ARHGEF4: variants seen among roughly 807,000 people sequenced by gnomAD.
ARHGEF4 encodes the protein APC-stimulated guanine nucleotide exchange factor 1.
A neutral mutation model predicts 162.0 loss-of-function variants in ARHGEF4; 119 were observed. The ratio of observed to expected loss-of-function variants is 0.73; its 90% CI spans 0.63 to 0.86. The LOEUF (loss-of-function observed/expected upper bound fraction) is 0.86, where lower values mean the gene tolerates loss of function less well. ARHGEF4 is among the 40% of genes least tolerant of loss of function. The pLI, the probability that ARHGEF4 is intolerant of heterozygous loss-of-function variation, is 0.00. For missense variants in ARHGEF4, 2,488 were observed against 2,456.0 expected (o/e 1.01, Z -0.28); for synonymous variants, 1,014 against 979.9 (o/e 1.03, Z -0.65).
chr2:131,015,984 G>A (rs531990502), intron 4 of ARHGEF4, among the ~76,000 whole-genome samples: 42 of 152,166 alleles, frequency 2.8e-4, no homozygotes, highest in African/African-American at 8.9e-4. Context: ...CGTTTTGCCC[G>A]GGCAGGGACC....
intron 3 of ARHGEF4, among the ~76,000 whole-genome samples, chr2:130,943,313 C>CT (rs1172568998): frequency 1.3e-5 from 2 of 152,058 alleles, no homozygotes; most frequent in Non-Finnish European, 2.9e-5. Flanking sequence ...GTTTTTCACC[C>CT]TTTTACTTTC....
intron 1 of ARHGEF4, among the ~76,000 whole-genome samples, chr2:130,888,050 A>T (rs759836163): frequency 6.6e-6 from 1 of 151,930 alleles, no homozygotes; most frequent in Non-Finnish European, 1.5e-5. Flanking sequence ...TTAAAAACCT[A>T]TTGGCTTTGT....
chr2:131,040,086 G>C lies in ARHGEF4; in HGVS notation c.4376G>C (p.Gly1459Ala), dbSNP rs78947410. Residue 1459 changes from glycine (G) to alanine (A), a missense_variant, in exon 7 of 14, where the codon GGC (glycine) becomes GCC (alanine). Physicochemically the swap from Gly to Ala is moderately conservative, Grantham distance 60. Coordinates refer to ENST00000409359, the MANE Select transcript of ARHGEF4 (RefSeq NM_001367493.1). Reference sequence around the variant, plus strand: ...GCCGGGAACAGCGGAGCGGAGGACGGCGGGGCGGAGGCGCAGAGCAGCAAG... The same window carrying C: ...GCCGGGAACAGCGGAGCGGAGGACGCCGGGGCGGAGGCGCAGAGCAGCAAG... ...PLAGNSGAED[G>A]GAEAQSSKDQ... 6.2e-7 allele frequency: 1 copy of C among 1,606,834 alleles called. No individual in the cohort carries two copies. The highest frequency in any genetic ancestry group is 8.5e-7 in the Non-Finnish European group (1 of 1,176,754).
At chr2:130,948,277 A>G (rs1683743429) in intron 4 of ARHGEF4, among the ~76,000 whole-genome samples, 1 of 152,244 alleles carries the variant, frequency 6.6e-6, no homozygotes, top group Non-Finnish European at 1.5e-5. Flanking sequence ...GTCCATCAGC[A>G]GATGGATGTA....
chr2:131,045,427 G>A lies in ARHGEF4; in HGVS notation c.5460G>A (p.Gln1820=). 1 of 1,613,620 alleles carries A rather than the reference G, an allele frequency of 6.2e-7. No individual in the cohort carries two copies. The highest frequency in any genetic ancestry group is 8.5e-7 in the Non-Finnish European group (1 of 1,180,010). ...KQAMLNASKQ[Q]VTGKPKAVGR... The stretch of plus-strand genomic sequence containing the variant: ...CCATGCTGAATGCCAGCAAGCAGCA[G>A]GTCACAGGGAAGCCCAAAGGTAGGC... The change falls in exon 13 of 14, where the codon CAG becomes CAA. Residue 1820 remains glutamine, a synonymous_variant. Transcript: ENST00000409359.
At chr2:131,004,559 C>G (rs1162429156) in intron 4 of ARHGEF4, among the ~76,000 whole-genome samples, 4 of 152,140 alleles carry the variant, frequency 2.6e-5, no homozygotes, top group Non-Finnish European at 2.9e-5. Flanking sequence ...GAATGGGTGG[C>G]CAAGCCCACT....
intron 4 of ARHGEF4, among the ~76,000 whole-genome samples, chr2:130,955,623 T>TCC (rs2105173911): frequency 6.6e-6 from 1 of 152,270 alleles, no homozygotes; most frequent in East Asian, 1.9e-4. Flanking sequence ...ACTGTTAAGC[T>TCC]CCACTCATTG....
chr2:131,009,096 A>G (rs1432088236), intron 4 of ARHGEF4, among the ~76,000 whole-genome samples: 2 of 152,226 alleles, frequency 1.3e-5, no homozygotes, highest in African/African-American at 4.8e-5. Context: ...TTGCTGGTCA[A>G]TGATTCTCTT....
chr2:130,916,770 A>C lies in ARHGEF4; in HGVS notation c.2824A>C (p.Lys942Gln). The change falls in exon 2 of 14, where the codon AAG becomes CAG. Residue 942 changes from lysine (K) to glutamine (Q), a missense_variant. Transcript: ENST00000409359. ...TTCCCCAAGTTCTCCCAAGGGCGAG[A>C]AGGAGAAGAGCAGGCTGCGCCAGGG... is the stretch of plus-strand genomic sequence containing the variant. ...ERSPSSPKGE[K>Q]EKSRLRQGSW... 1 of 1,550,634 alleles carries C rather than the reference A, an allele frequency of 6.4e-7. No individual in the cohort carries two copies. Among genetic ancestry groups the C allele is most frequent in the East Asian group, 2.4e-5 (1 of 40,892 alleles).
At chr2:130,963,181 C>T (rs558078747) in intron 4 of ARHGEF4, among the ~76,000 whole-genome samples, 19 of 152,352 alleles carry the variant, frequency 1.2e-4, no homozygotes, top group African/African-American at 4.1e-4. Context: ...CTCTTCCACA[C>T]GCTTTCTAAA....
At chr2:130,980,213 A>G (rs1331626292) in intron 4 of ARHGEF4, among the ~76,000 whole-genome samples, 1 of 152,152 alleles carries the variant, frequency 6.6e-6, no homozygotes, top group Non-Finnish European at 1.5e-5. Context: ...CTTGGCCAAC[A>G]TGGTGAAACC....
intron 5 of ARHGEF4, among the ~76,000 whole-genome samples, chr2:131,030,194 C>G (rs1445358040): frequency 1.3e-5 from 2 of 152,152 alleles, no homozygotes; most frequent in Non-Finnish European, 2.9e-5. Context: ...TGTCTCCTAC[C>G]TGAGGATAAA....
chr2:130,994,747 C>G (rs1025177134), intron 4 of ARHGEF4, among the ~76,000 whole-genome samples: 2 of 152,188 alleles, frequency 1.3e-5, no homozygotes, highest in African/African-American at 4.8e-5. Flanking sequence ...TGTTTTCCTT[C>G]TGGAGATGGA....
intron 2 of ARHGEF4, among the ~76,000 whole-genome samples, chr2:130,920,058 G>C (rs1224037364): frequency 6.6e-6 from 1 of 152,112 alleles, no homozygotes; most frequent in African/African-American, 2.4e-5. Flanking sequence ...CACCTGGACA[G>C]CCTGCTTGGT....
At chr2:131,045,847 A>C in intron 13 of ARHGEF4, 191 bp from the exon 14 acceptor site, 3 of 1,462,858 alleles carry the variant, frequency 2.1e-6, no homozygotes, top group South Asian at 2.9e-5. Flanking sequence ...GGCCAGGCCC[A>C]GGCCAGAGAC....
chr2:130,856,844 G>T (rs1005294320), intron 1 of ARHGEF4, among the ~76,000 whole-genome samples: 1 of 152,176 alleles, frequency 6.6e-6, no homozygotes, highest in Admixed American at 6.5e-5. Context: ...TAAAAGCACA[G>T]AGGTGATTGG....
At chr2:131,037,603 G>GCA (rs2105397347) in intron 5 of ARHGEF4, among the ~76,000 whole-genome samples, 1 of 151,932 alleles carries the variant, frequency 6.6e-6, no homozygotes, top group African/African-American at 2.4e-5. Context: ...CACCTCCTGT[G>GCA]CAGCCCCAGC....
intron 4 of ARHGEF4, among the ~76,000 whole-genome samples, chr2:130,971,543 A>G (rs1013691095): frequency 2.8e-4 from 43 of 151,536 alleles, no homozygotes; most frequent in Non-Finnish European, 4.6e-4. Flanking sequence ...CTGTAATCCC[A>G]GCTACTCAGG....
intron 4 of ARHGEF4, among the ~76,000 whole-genome samples, chr2:130,978,805 T>A (rs963810518): frequency 2.0e-5 from 3 of 151,324 alleles, no homozygotes; most frequent in Admixed American, 6.6e-5. Flanking sequence ...GAATCAGCAA[T>A]ATTTCAAACA....
Sources: gnomAD v4.1 joint callset for allele counts (sites outside exome capture counted in the v4.1 genomes callset) on GRCh38, gnomAD v4.1.1 for gene constraint, MANE v1.5 for transcripts, NCBI Gene and HGNC (gene_info 2026-07-23, HGNC 2026-07-21) for gene names.